SLC39A11: variants seen among roughly 807,000 people sequenced by gnomAD.
The protein encoded by SLC39A11 is solute carrier family 39 member 11.
Under a neutral mutation model 36.1 loss-of-function variants are expected in SLC39A11, and 33 were observed. That is an observed-to-expected ratio of 0.91 (90% confidence interval 0.69 to 1.22). The LOEUF (loss-of-function observed/expected upper bound fraction) is 1.22. Ranked by LOEUF, SLC39A11 falls within the 50% of genes most tolerant of loss-of-function variation. The probability of loss-of-function intolerance (pLI) is 0.00; values close to 1 mark genes in which losing one functional copy is unlikely to be tolerated. For missense variants in SLC39A11, 432 were observed against 430.3 expected (o/e 1.00, Z -0.03); for synonymous variants, 166 against 170.3 (o/e 0.97, Z 0.20).
chr17:72,945,816 C>T (rs965223327), intron 5 of SLC39A11, among the ~76,000 whole-genome samples: 1 of 152,182 alleles, frequency 6.6e-6, no homozygotes, highest in Admixed American at 6.5e-5. Context: ...CTCCCCTGAC[C>T]CCGTCCCGGC....
intron 6 of SLC39A11, among the ~76,000 whole-genome samples, chr17:72,798,538 C>T (rs1268300708): frequency 9.9e-5 from 15 of 151,722 alleles, no homozygotes; most frequent in Admixed American, 2.0e-4. Context: ...CTCAGCCTCC[C>T]GAGTAGCTGG....
chr17:72,933,399 A>C lies in SLC39A11; in HGVS notation c.430+14353T>G, dbSNP rs752062158. 6.9e-4 allele frequency among the ~76,000 whole-genome samples: 105 copies of C among 152,330 alleles called. 1 individual carries two copies. The highest frequency in any genetic ancestry group is 9.6e-4 in the Non-Finnish European group (65 of 68,026). ...TGATGAAGACCACAAAACACTGATA[A>C]AGGAAATCAAAGACTTTGGAGAATA... is the stretch of plus-strand genomic sequence containing the variant. On this transcript the variant is annotated intron_variant, in intron 5 of 9. Coordinates refer to ENST00000255559, the MANE Select transcript of SLC39A11 (RefSeq NM_139177.4).
At position 72,801,243 on chromosome 17, in the gene SLC39A11, C is replaced by T. The variant is rs189076515; in HGVS notation, c.601+48391G>A. 2.8e-4 allele frequency among the ~76,000 whole-genome samples: 43 copies of T among 152,288 alleles called. No individual in the cohort carries two copies. In the East Asian group the frequency reaches 5.6e-3, roughly 20 times the overall value. ...CTTTTTCCTTTTCTTTTGTTTGAGA[C>T]GGAGTCTCATTCTGTCATCCATGCT... On this transcript the variant is annotated intron_variant, in intron 6 of 9. Coordinates refer to ENST00000255559, the MANE Select transcript of SLC39A11 (RefSeq NM_139177.4).
chr17:72,977,075 C>A (rs899784550), intron 4 of SLC39A11, among the ~76,000 whole-genome samples: 1 of 152,124 alleles, frequency 6.6e-6, no homozygotes, highest in African/African-American at 2.4e-5. Flanking sequence ...CCCGGTTGGG[C>A]CTGACCTAGT....
intron 5 of SLC39A11, among the ~76,000 whole-genome samples, chr17:72,897,959 G>A (rs753606041): frequency 6.6e-6 from 1 of 152,066 alleles, no homozygotes; most frequent in Non-Finnish European, 1.5e-5. Context: ...CAGGACGGCT[G>A]GGGGAACAGG....
At chr17:72,761,366 C>T (rs1041312017) in intron 6 of SLC39A11, among the ~76,000 whole-genome samples, 6 of 152,062 alleles carry the variant, frequency 3.9e-5, no homozygotes, top group Non-Finnish European at 8.8e-5. Context: ...CCGCCCCCCT[C>T]GGCCTCCCAA....
At chr17:73,019,936 A>C (rs2148576400) in intron 4 of SLC39A11, among the ~76,000 whole-genome samples, 1 of 152,228 alleles carries the variant, frequency 6.6e-6, no homozygotes, top group East Asian at 1.9e-4. Context: ...AAACACTAAC[A>C]AAATGAAACT....
chr17:73,082,116 T>TAAAAAAAAAAAAAAAAAAAA (rs1462631665), intron 3 of SLC39A11, among the ~76,000 whole-genome samples: 4 of 80,362 alleles, frequency 5.0e-5, no homozygotes, highest in Admixed American at 1.7e-4. Flanking sequence ...CTACTGAAAC[T>TAAAAAAAAAAAAAAAAAAAA]AAAAAAAAAG....
Position 72,793,723 on chromosome 17 carries a change from C to T in SLC39A11, c.601+55911G>A, listed in dbSNP as rs374494726. 3.4e-3 allele frequency among the ~76,000 whole-genome samples: 516 copies of T among 152,266 alleles called. 6 individuals are homozygous for T. Among genetic ancestry groups the T allele is most frequent in the African/African-American group, 0.011 (477 of 41,546 alleles). On this transcript the variant is annotated intron_variant, in intron 6 of 9. Transcript: ENST00000255559. The stretch of plus-strand genomic sequence containing the variant: ...GGGATTACAGGCGTGAGCTGCCACA[C>T]CCAGTCTGGAAAATGCCTCTTGATG...
At chr17:73,079,013 T>C (rs923869900) in intron 3 of SLC39A11, among the ~76,000 whole-genome samples, 1 of 152,272 alleles carries the variant, frequency 6.6e-6, no homozygotes, top group Non-Finnish European at 1.5e-5. Context: ...TCATTGCTTT[T>C]TCTGCTTGAC....
chr17:72,750,488 A>G (rs944792750), intron 6 of SLC39A11, among the ~76,000 whole-genome samples: 5 of 135,064 alleles, frequency 3.7e-5, no homozygotes, highest in East Asian at 4.3e-4. Context: ...TTGAGGGCCT[A>G]AAAAAACTGG....
intron 5 of SLC39A11, among the ~76,000 whole-genome samples, chr17:72,876,434 T>C (rs1450735744): frequency 1.3e-5 from 2 of 152,034 alleles, no homozygotes; most frequent in East Asian, 1.9e-4. Flanking sequence ...CAGGAACTTA[T>C]GAAACAGGCC....
rs536259128 is a variant in SLC39A11, at chr17:73,013,377, C to T, written c.306+18179G>A. ...TGTGAGGATTACAGGCGTGAGCCTC[C>T]GCACTTGGCCCTGGTGTTTAGCTTC... is the stretch of plus-strand genomic sequence containing the variant. On this transcript the variant is annotated intron_variant, in intron 4 of 9. Transcript: ENST00000255559. 5.9e-5 allele frequency among the ~76,000 whole-genome samples: 9 copies of T among 152,372 alleles called. No individual in the cohort carries two copies. In the South Asian group the frequency reaches 1.4e-3, roughly 25 times the overall value.
At chr17:73,069,113 T>C (rs1269111076) in intron 3 of SLC39A11, among the ~76,000 whole-genome samples, 2 of 152,134 alleles carry the variant, frequency 1.3e-5, no homozygotes, top group African/African-American at 2.4e-5. Context: ...GTAACGCATT[T>C]CCTTCCCCTA....
intron 5 of SLC39A11, among the ~76,000 whole-genome samples, chr17:72,896,142 A>G (rs1027211362): frequency 1.3e-5 from 2 of 151,604 alleles, no homozygotes; most frequent in Non-Finnish European, 2.9e-5. Flanking sequence ...AAAATGTATA[A>G]CGTAATCTAA....
At chr17:72,871,056 G>GT (rs34776144) in intron 5 of SLC39A11, among the ~76,000 whole-genome samples, 5,030 of 124,220 alleles carry the variant, frequency 0.04, 94 homozygotes, top group African/African-American at 0.062. Context: ...TTTTGTTTTT[G>GT]TTTTTTTTTT....
Position 72,780,234 on chromosome 17 carries a change from G to C in SLC39A11, c.602-43515C>G, listed in dbSNP as rs544013010. On this transcript the variant is annotated intron_variant, in intron 6 of 9. Coordinates refer to ENST00000255559, the MANE Select transcript of SLC39A11 (RefSeq NM_139177.4). The stretch of plus-strand genomic sequence containing the variant: ...GTGAGGAGAAACTGAGCTAGCTGAA[G>C]GGCAAGAGCTGGATCAACAAGGCCT... 1.1e-4 allele frequency among the ~76,000 whole-genome samples: 17 copies of C among 152,280 alleles called. 1 individual carries two copies. The South Asian group carries it at 2.7e-3, about 24-fold the overall frequency.
intron 6 of SLC39A11, among the ~76,000 whole-genome samples, chr17:72,817,299 G>A (rs1448839892): frequency 7.6e-6 from 1 of 132,392 alleles, no homozygotes; most frequent in Non-Finnish European, 1.6e-5. Context: ...GAGACGGAAG[G>A]AAGGAAGGAA....
intron 6 of SLC39A11, among the ~76,000 whole-genome samples, chr17:72,833,905 C>G (rs1250385591): frequency 6.6e-6 from 1 of 152,176 alleles, no homozygotes; most frequent in Admixed American, 6.5e-5. Context: ...AATGGTATCA[C>G]AGGATGACTC....
Sources: gnomAD v4.1 joint callset for allele counts (sites outside exome capture counted in the v4.1 genomes callset) on GRCh38, gnomAD v4.1.1 for gene constraint, MANE v1.5 for transcripts, NCBI Gene and HGNC (gene_info 2026-07-23, HGNC 2026-07-21) for gene names.